CCDC50: variants seen among roughly 807,000 people sequenced by gnomAD.
The protein encoded by CCDC50 is coiled-coil domain containing 50.
A neutral mutation model predicts 70.2 loss-of-function variants in CCDC50; 54 were observed. The ratio of observed to expected loss-of-function variants is 0.77; its 90% CI spans 0.62 to 0.96. The LOEUF (loss-of-function observed/expected upper bound fraction) is 0.96. Ranked by LOEUF, CCDC50 falls within the 50% of genes least tolerant of loss-of-function variation. The pLI, the probability that CCDC50 is intolerant of heterozygous loss-of-function variation, is 0.00. For synonymous variants in CCDC50, 216 were observed against 198.8 expected (o/e 1.09, Z -0.73); for missense variants, 558 against 578.7 (o/e 0.96, Z 0.37).
At chr3:191,371,364 C>G (rs1712908692) in intron 5 of CCDC50, among the ~76,000 whole-genome samples, 1 of 151,972 alleles carries the variant, frequency 6.6e-6, no homozygotes, top group African/African-American at 2.4e-5. Context: ...AAAGACTTGT[C>G]AAAGGAAAGA....
At chr3:191,363,783 A>G (rs1384878957) in intron 4 of CCDC50, among the ~76,000 whole-genome samples, 1 of 152,224 alleles carries the variant, frequency 6.6e-6, no homozygotes, top group Non-Finnish European at 1.5e-5. Context: ...TATAAACTTC[A>G]TTCAGACTTT....
At chr3:191,368,032 A>C (rs1455832298) in intron 4 of CCDC50, among the ~76,000 whole-genome samples, 1 of 152,090 alleles carries the variant, frequency 6.6e-6, no homozygotes, top group African/African-American at 2.4e-5. Context: ...TGATACATTA[A>C]GGAGTCAAAG....
At chr3:191,355,414 T>C (rs1199424554) in intron 1 of CCDC50, among the ~76,000 whole-genome samples, 1 of 152,162 alleles carries the variant, frequency 6.6e-6, no homozygotes, top group East Asian at 1.9e-4. Context: ...GAATATGCGA[T>C]GGTTAATGTA....
rs979580825 is a variant in CCDC50, at chr3:191,379,699, C to T, written c.977-460C>T. ...ACTGCCAGGTGCTGCTGTTCCTGCT[C>T]CCTCGGAAGTAGTAAGTATGCAGGC... On this transcript the variant is annotated intron_variant, in intron 6 of 11. Transcript: ENST00000392455. 3.6e-4 allele frequency among the ~76,000 whole-genome samples: 55 copies of T among 152,214 alleles called. 1 individual carries two copies. The highest frequency in any genetic ancestry group is 1.3e-3 in the African/African-American group (52 of 41,544).
chr3:191,329,753 A>AC (rs770921574), intron 1 of CCDC50, 30 bp downstream of exon 1: 1 of 1,597,866 alleles, frequency 6.3e-7, no homozygotes, highest in African/African-American at 1.3e-5. Flanking sequence ...AGCGCGCGGG[A>AC]CCCTCCCCTC....
intron 4 of CCDC50, among the ~76,000 whole-genome samples, chr3:191,362,556 T>G (rs1179750651): frequency 1.3e-5 from 2 of 152,260 alleles, no homozygotes; most frequent in African/African-American, 4.8e-5. Context: ...TTTATTATTT[T>G]TAATAGTTGG....
intron 10 of CCDC50, among the ~76,000 whole-genome samples, chr3:191,387,428 G>C (rs945450152): frequency 1.3e-5 from 2 of 152,054 alleles, no homozygotes; most frequent in Non-Finnish European, 2.9e-5. Flanking sequence ...TTTCTAACTT[G>C]GATATATATG....
In CCDC50 at chr3:191,375,386, T is replaced by A. The variant is rs2028574; in HGVS notation, c.773T>A (p.Ile258Asn). ...GAATGTGATGACTGGGAGACTAAGA[T>A]TAACCATCAGACTCGAAATTGGGAA... Reference protein sequence around the residue: ...STECDDWETKINHQTRNWEKQ... With the variant: ...STECDDWETKNNHQTRNWEKQ... The change falls in exon 6 of 12, where the codon ATT becomes AAT. Residue 258 changes from isoleucine (I) to asparagine (N), a missense_variant. By Grantham distance (149) the Ile-to-Asn change is moderately radical (BLOSUM62 -3). Coordinates refer to ENST00000392455, the MANE Select transcript of CCDC50 (RefSeq NM_178335.3). The A allele has an allele frequency of 0.41, 658,980 of 1,613,192 alleles. 138,251 individuals are homozygous for A. Among genetic ancestry groups the A allele is most frequent in the African/African-American group, 0.68 (51,208 of 74,926 alleles).
intron 5 of CCDC50, among the ~76,000 whole-genome samples, chr3:191,371,833 T>A (rs114419766): frequency 0.012 from 1,752 of 152,296 alleles, 39 homozygotes; most frequent in African/African-American, 0.039. Flanking sequence ...AAAGAAAAAT[T>A]ATTGCCACAT....
chr3:191,347,493 C>T lies in CCDC50; in HGVS notation c.50-9595C>T, dbSNP rs74633614. Among the ~76,000 whole-genome samples the T allele has an allele frequency of 3.7e-3, 522 of 141,788 alleles. 63 individuals are homozygous for T. Among genetic ancestry groups the T allele is most frequent in the African/African-American group, 0.012 (470 of 39,862 alleles). The allele number at this position is 141,788 out of a possible 152,430, so 93.0% of individuals were successfully genotyped here. A position where few individuals can be genotyped will look rare whatever the true frequency, so the allele number is the denominator to read the frequency against. Reference sequence around the variant, plus strand: ...CATTGTTTAGCTGAACAAATACATCCGTATGTATACACACATTTTTCTTGA... The same window carrying T: ...CATTGTTTAGCTGAACAAATACATCTGTATGTATACACACATTTTTCTTGA... On this transcript the variant is annotated intron_variant, in intron 1 of 11. Coordinates refer to ENST00000392455, the MANE Select transcript of CCDC50 (RefSeq NM_178335.3).
chr3:191,372,525 T>G (rs1712946509), intron 5 of CCDC50, among the ~76,000 whole-genome samples: 1 of 152,192 alleles, frequency 6.6e-6, no homozygotes, highest in Non-Finnish European at 1.5e-5. Context: ...TGGGATATTC[T>G]TTCATTGTAC....
At chr3:191,388,547 T>C (rs1278037923) in intron 10 of CCDC50, among the ~76,000 whole-genome samples, 1 of 152,230 alleles carries the variant, frequency 6.6e-6, no homozygotes, top group Non-Finnish European at 1.5e-5. Flanking sequence ...TATCCCATGC[T>C]GACCTCTTCG....
chr3:191,386,739 C>T (rs549701814), intron 10 of CCDC50, among the ~76,000 whole-genome samples: 4 of 152,310 alleles, frequency 2.6e-5, no homozygotes, highest in African/African-American at 9.6e-5. Flanking sequence ...GATAACCACA[C>T]ACACAAAATA....
At chr3:191,373,091 G>GTGTGTATATATATAT (rs1712970269) in intron 5 of CCDC50, among the ~76,000 whole-genome samples, 1 of 152,022 alleles carries the variant, frequency 6.6e-6, no homozygotes, top group Non-Finnish European at 1.5e-5. Context: ...ATGTGTGTGT[G>GTGTGTATATATATAT]TGTGTATATA....
intron 3 of CCDC50, among the ~76,000 whole-genome samples, chr3:191,360,208 C>T (rs1712435314): frequency 6.6e-6 from 1 of 152,230 alleles, no homozygotes; most frequent in African/African-American, 2.4e-5. Flanking sequence ...GTTTCGCTTT[C>T]CCAGGAGTCT....
Position 191,375,363 on chromosome 3 carries a change from A to T in CCDC50, c.750A>T (p.Glu250Asp), listed in dbSNP as rs148784496. The change falls in exon 6 of 12, where the codon GAA becomes GAT. Residue 250 changes from glutamate to aspartate, a missense_variant. Physicochemically the swap from Glu to Asp is conservative, Grantham distance 45. Coordinates refer to ENST00000392455, the MANE Select transcript of CCDC50 (RefSeq NM_178335.3). ...TISGEVFLST[E>D]CDDWETKINH... ...GTGGTGAAGTGTTTCTGAGCACTGA[A>T]TGTGATGACTGGGAGACTAAGATTA... 1 of 1,613,662 alleles carries T rather than the reference A, an allele frequency of 6.2e-7. No individual in the cohort carries two copies. Among genetic ancestry groups the T allele is most frequent in the Non-Finnish European group, 8.5e-7 (1 of 1,179,844 alleles).
chr3:191,348,066 T>A (rs970160443), intron 1 of CCDC50, among the ~76,000 whole-genome samples: 1 of 142,514 alleles, frequency 7.0e-6, no homozygotes, highest in African/African-American at 2.5e-5. Flanking sequence ...TAATTAGTGC[T>A]ACAGTTCTAT....
chr3:191,347,009 T>C lies in CCDC50; in HGVS notation c.50-10079T>C, dbSNP rs1395069481. ...AAATAGGATTACAGATTCTTGATACTCTTGACAGTTTGGTGCTCTAACCAA... is the reference window on the plus strand; with the variant it reads ...AAATAGGATTACAGATTCTTGATACCCTTGACAGTTTGGTGCTCTAACCAA... On this transcript the variant is annotated intron_variant, in intron 1 of 11. Coordinates refer to ENST00000392455, the MANE Select transcript of CCDC50 (RefSeq NM_178335.3). Among the ~76,000 whole-genome samples the C allele has an allele frequency of 1.6e-5, 2 of 123,328 alleles. 1 individual carries two copies. The highest frequency in any genetic ancestry group is 3.8e-5 in the Non-Finnish European group (2 of 52,866). 80.9% of individuals were successfully genotyped at this position (123,328 alleles called of 152,430 possible).
Position 191,398,094 on chromosome 3 carries a change from A to G in CCDC50, c.*6334A>G, listed in dbSNP as rs1490575041. On this transcript the variant is annotated 3_prime_UTR_variant, in exon 12 of 12. Transcript: ENST00000392455. ...GTTGTTCCTGCTCATGACCTCATTG[A>G]GGAAAATGAGAATTGTGGTGCTGGT... is the stretch of plus-strand genomic sequence containing the variant. The G allele has an allele frequency of 6.6e-6, 1 of 152,204 alleles. No individual in the cohort carries two copies. The highest frequency in any genetic ancestry group is 2.4e-5 in the African/African-American group (1 of 41,442). 9.4% of individuals were successfully genotyped at this position (152,204 alleles called of 1,614,324 possible). A position where few individuals can be genotyped will look rare whatever the true frequency, so the allele number is the denominator to read the frequency against.
Sources: gnomAD v4.1 joint callset for allele counts (sites outside exome capture counted in the v4.1 genomes callset) on GRCh38, gnomAD v4.1.1 for gene constraint, MANE v1.5 for transcripts, NCBI Gene and HGNC (gene_info 2026-07-23, HGNC 2026-07-21) for gene names.